The following CDYL variants were observed in gnomAD, a reference collection of about 807,000 sequenced individuals.
CDYL encodes the protein chromodomain Y like.
In CDYL, 8 loss-of-function variants were observed where a neutral mutation model predicts 47.3. The ratio of observed to expected loss-of-function variants is 0.17; its 90% CI spans 0.10 to 0.31. The LOEUF (loss-of-function observed/expected upper bound fraction) is 0.31. CDYL is among the 10% of genes least tolerant of loss of function. The pLI is 1.00. For synonymous variants in CDYL, 266 were observed against 265.0 expected (o/e 1.00, Z -0.04); for missense variants, 471 against 701.4 (o/e 0.67, Z 3.71).
At chr6:4,798,099 G>A (rs1759127118) in intron 1 of CDYL, among the ~76,000 whole-genome samples, 1 of 151,770 alleles carries the variant, frequency 6.6e-6, no homozygotes, top group Admixed American at 6.6e-5. Flanking sequence ...CAGCCTCCTA[G>A]GTAGCTAGGA....
At chr6:4,858,870 G>C (rs557552712) in intron 1 of CDYL, among the ~76,000 whole-genome samples, 1 of 152,308 alleles carries the variant, frequency 6.6e-6, no homozygotes, top group Non-Finnish European at 1.5e-5. Context: ...ATAGGGTTTT[G>C]CAGGAATTAA....
chr6:4,897,908 T>A (rs1424961044), intron 2 of CDYL, among the ~76,000 whole-genome samples: 1 of 150,504 alleles, frequency 6.6e-6, no homozygotes, highest in Non-Finnish European at 1.5e-5. Flanking sequence ...ACAAAAAAAA[T>A]TAGCCAGGCG....
intron 2 of CDYL, among the ~76,000 whole-genome samples, chr6:4,734,572 A>G (rs1282702442): frequency 6.6e-6 from 1 of 152,146 alleles, no homozygotes; most frequent in African/African-American, 2.4e-5. Flanking sequence ...GGGCTGCTGC[A>G]GCAAGACTTT....
rs1759083504 is a variant in CDYL, at chr6:4,796,806, T to C, written c.24+19999T>C. ...ATTTTAACACTTCAGTAGTATCTTT[T>C]ATCAGTTTAATGTGTTTAATTTTGT... On this transcript the variant is annotated intron_variant, in intron 1 of 6. Coordinates refer to ENST00000397588, the MANE Select transcript of CDYL (RefSeq NM_004824.4). Among the ~76,000 whole-genome samples the C allele has an allele frequency of 2.0e-5, 3 of 152,354 alleles. 1 individual carries two copies. The South Asian group carries it at 6.2e-4, about 32-fold the overall frequency.
intron 1 of CDYL, chr6:4,836,434 C>G (rs1276786397): frequency 1.5e-5 from 3 of 205,308 alleles, no homozygotes; most frequent in Non-Finnish European, 2.6e-5. Flanking sequence ...TTTTTCCTTT[C>G]CCTTATGGGT....
At chr6:4,827,105 A>G (rs1760002219) in intron 1 of CDYL, among the ~76,000 whole-genome samples, 1 of 152,166 alleles carries the variant, frequency 6.6e-6, no homozygotes, top group South Asian at 2.1e-4. Flanking sequence ...GTCTGATATT[A>G]GTGTAGCCAC....
intron 3 of CDYL, among the ~76,000 whole-genome samples, chr6:4,752,734 G>A (rs1758014667): frequency 6.6e-6 from 1 of 152,024 alleles, no homozygotes; most frequent in Non-Finnish European, 1.5e-5. Context: ...TCTGTGAAAT[G>A]AGGATCTTAC....
rs569061824 is a variant in CDYL at position 4,943,769 on chromosome 6, T to TA, written c.1332+13_1332+14insA. ...GGGAGGAGCATCTGTGAGTACCTTT[T>TA]TAAAAAAAAAAAAAAAAAGTCATTC... On this transcript the variant is annotated intron_variant, in intron 5 of 6. Transcript: ENST00000397588. The TA allele has an allele frequency of 0.011, 13,383 of 1,207,996 alleles. 29 individuals carry two copies. Among genetic ancestry groups the TA allele is most frequent in the South Asian group, 0.02 (1,391 of 68,184 alleles). The allele number at this position is 1,207,996 out of a possible 1,614,324, so 74.8% of individuals were successfully genotyped here. A position where few individuals can be genotyped will look rare whatever the true frequency, so the allele number is the denominator to read the frequency against.
At chr6:4,852,872 C>T (rs1396028159) in intron 1 of CDYL, among the ~76,000 whole-genome samples, 1 of 151,346 alleles carries the variant, frequency 6.6e-6, no homozygotes, top group Non-Finnish European at 1.5e-5. Flanking sequence ...AATCACAGCT[C>T]ACTGCAGCCT....
intron 3 of CDYL, among the ~76,000 whole-genome samples, chr6:4,765,188 G>T (rs950370502): frequency 6.6e-6 from 1 of 152,044 alleles, no homozygotes; most frequent in Non-Finnish European, 1.5e-5. Context: ...CAGGCATGGT[G>T]GTGGGCACTT....
chr6:4,885,814 A>C (rs927522859), intron 1 of CDYL, among the ~76,000 whole-genome samples: 1 of 152,158 alleles, frequency 6.6e-6, no homozygotes, highest in Admixed American at 6.5e-5. Flanking sequence ...CTGTTAGCAT[A>C]TACAGTTTTG....
chr6:4,762,217 C>A (rs1462994524), intron 3 of CDYL, among the ~76,000 whole-genome samples: 1 of 152,160 alleles, frequency 6.6e-6, no homozygotes, highest in Non-Finnish European at 1.5e-5. Flanking sequence ...GAAGTAAGCA[C>A]CCCTAGAGAC....
At chr6:4,947,042 G>A (rs765204136) in intron 5 of CDYL, among the ~76,000 whole-genome samples, 2 of 152,196 alleles carry the variant, frequency 1.3e-5, no homozygotes, top group Non-Finnish European at 2.9e-5. Context: ...TGTCCAGCTT[G>A]TGGTTGGGCC....
At chr6:4,894,927 G>A (rs1442098585) in intron 2 of CDYL, among the ~76,000 whole-genome samples, 4 of 146,540 alleles carry the variant, frequency 2.7e-5, no homozygotes, top group African/African-American at 7.8e-5. Flanking sequence ...ATACACATAT[G>A]TATGTGTGTA....
At chr6:4,876,635 G>A (rs952377279) in intron 1 of CDYL, among the ~76,000 whole-genome samples, 4 of 152,036 alleles carry the variant, frequency 2.6e-5, no homozygotes, top group South Asian at 4.1e-4. Flanking sequence ...TTTTTAATGT[G>A]CTCACTACAC....
At chr6:4,950,224 C>CAGG (rs1218970714) in intron 5 of CDYL, among the ~76,000 whole-genome samples, 2 of 152,150 alleles carry the variant, frequency 1.3e-5, no homozygotes, top group African/African-American at 4.8e-5. Context: ...CAGGGCCCTG[C>CAGG]AGGAAGGGCG....
intron 6 of CDYL, among the ~76,000 whole-genome samples, chr6:4,953,499 G>C (rs935810089): frequency 2.0e-5 from 3 of 152,180 alleles, no homozygotes; most frequent in Non-Finnish European, 4.4e-5. Flanking sequence ...ATCCCAGGCA[G>C]ACAAGCAACC....
At chr6:4,751,120 G>GGGAGGC (rs1194791567) in intron 3 of CDYL, among the ~76,000 whole-genome samples, 1 of 152,254 alleles carries the variant, frequency 6.6e-6, no homozygotes, top group East Asian at 1.9e-4. Flanking sequence ...CTCCCAAAGT[G>GGGAGGC]CTGGGATTAC....
Position 4,739,952 on chromosome 6 carries a change from TCAAAA to T in CDYL, c.186+5114_186+5118del, listed in dbSNP as rs1258596434. Among the ~76,000 whole-genome samples the T allele has an allele frequency of 4.0e-5, 6 of 151,512 alleles. No homozygotes were observed. In the East Asian group the frequency reaches 1.2e-3, roughly 29 times the overall value. On this transcript the variant is annotated intron_variant, in intron 3 of 8. Coordinates refer to the CDYL transcript ENST00000328908. ...TGGGCAACAAGAGTGAAACTCTGTCTCAAAACAAAAAGAAAAAAAAAAGTAATTGA... is the reference window on the plus strand; with the variant it reads ...TGGGCAACAAGAGTGAAACTCTGTCTCAAAAAGAAAAAAAAAAGTAATTGA...
Sources: gnomAD v4.1 joint callset for allele counts (sites outside exome capture counted in the v4.1 genomes callset) on GRCh38, gnomAD v4.1.1 for gene constraint, MANE v1.5 for transcripts, NCBI Gene and HGNC (gene_info 2026-07-23, HGNC 2026-07-21) for gene names.